The following RNF217 variants were observed in gnomAD, a reference collection of about 807,000 sequenced individuals.
RNF217 encodes the protein E3 ubiquitin-protein ligase RNF217.
RNF217 carries 31 observed loss-of-function variants against 57.8 expected under a neutral mutation model. The observed-to-expected ratio is 0.54, with a 90% confidence interval of 0.40 to 0.72. RNF217 has a LOEUF of 0.72. Ranked by LOEUF, RNF217 falls within the 30% of genes least tolerant of loss-of-function variation. The pLI is 0.00. For synonymous variants in RNF217, 313 were observed against 294.0 expected (o/e 1.06, Z -0.66); for missense variants, 696 against 708.3 (o/e 0.98, Z 0.20).
chr6:125,057,919 A>G lies in RNF217; in HGVS notation c.1117-23A>G, dbSNP rs767698785. 11 of 1,576,192 alleles carry G rather than the reference A, an allele frequency of 7.0e-6. No homozygotes were observed. The East Asian group carries it at 2.3e-4, about 32-fold the overall frequency. ...ACTTTCAGTATATCCACTAGTAATT[A>G]ATATGATTTTTTTCTTACACAGATC... is the stretch of plus-strand genomic sequence containing the variant. On this transcript the variant is annotated intron_variant, in intron 2 of 5. Transcript: ENST00000521654.
intron 1 of RNF217, among the ~76,000 whole-genome samples, chr6:125,033,337 C>T (rs1157346662): frequency 9.0e-6 from 1 of 111,016 alleles, no homozygotes. Context: ...AATGCTATCC[C>T]TCCCCCCTCC....
chr6:125,034,756 GA>G, intron 1 of RNF217, among the ~76,000 whole-genome samples: 1 of 152,182 alleles, frequency 6.6e-6, no homozygotes, highest in Middle Eastern at 3.4e-3. Flanking sequence ...GCTTGATGGG[GA>G]TGGCAACTGA....
chr6:125,078,959 A>T (rs1788473510), intron 4 of RNF217, among the ~76,000 whole-genome samples: 1 of 152,166 alleles, frequency 6.6e-6, no homozygotes, highest in Non-Finnish European at 1.5e-5. Flanking sequence ...CAGAGAGAAG[A>T]TGGAGTATAG....
chr6:124,978,344 G>A (rs954463298), intron 1 of RNF217, among the ~76,000 whole-genome samples: 6 of 151,864 alleles, frequency 4.0e-5, no homozygotes, highest in Non-Finnish European at 7.4e-5. Context: ...TTGTGCCCCA[G>A]ACCAGATCCT....
intron 1 of RNF217, among the ~76,000 whole-genome samples, chr6:125,015,719 A>T (rs1296433600): frequency 6.6e-6 from 1 of 152,064 alleles, no homozygotes; most frequent in Non-Finnish European, 1.5e-5. Flanking sequence ...ATAGTAATGT[A>T]AAAAGAGACA....
chr6:125,016,839 G>C (rs1785629049), intron 1 of RNF217, among the ~76,000 whole-genome samples: 1 of 152,086 alleles, frequency 6.6e-6, no homozygotes, highest in African/African-American at 2.4e-5. Flanking sequence ...ATAGATGATG[G>C]GTTGATGGGT....
chr6:125,055,828 C>T (rs2114578754), intron 2 of RNF217, among the ~76,000 whole-genome samples: 1 of 152,184 alleles, frequency 6.6e-6, no homozygotes, highest in East Asian at 1.9e-4. Flanking sequence ...CTTCATTGCT[C>T]AATGGCAAAT....
chr6:125,000,337 C>A (rs1234371571), intron 1 of RNF217, among the ~76,000 whole-genome samples: 1 of 151,922 alleles, frequency 6.6e-6, no homozygotes, highest in African/African-American at 2.4e-5. Context: ...GACTCTTTTA[C>A]TATAGTGATA....
At position 124,981,884 on chromosome 6, in the gene RNF217, C is replaced by T. The variant is rs191959791; in HGVS notation, c.882+18458C>T. Among the ~76,000 whole-genome samples, 578 of 151,402 alleles carry T rather than the reference C, an allele frequency of 3.8e-3. 6 individuals are homozygous for T. The highest frequency in any genetic ancestry group is 0.013 in the African/African-American group (545 of 41,288). On this transcript the variant is annotated intron_variant, in intron 1 of 5. Transcript: ENST00000521654. ...ATACAAAAAAAAAAAAAAATTTGGC[C>T]GGGCGTGGTTATGGGCACCTGTAGT...
chr6:125,054,033 C>T (rs767602407), intron 2 of RNF217, among the ~76,000 whole-genome samples: 6 of 152,032 alleles, frequency 3.9e-5, no homozygotes, highest in African/African-American at 7.2e-5. Flanking sequence ...TTAACTGATA[C>T]GTGATACCTA....
At chr6:125,069,498 T>C (rs1320560864) in intron 3 of RNF217, among the ~76,000 whole-genome samples, 1 of 152,222 alleles carries the variant, frequency 6.6e-6, no homozygotes, top group East Asian at 1.9e-4. Flanking sequence ...TTCTTCTTTA[T>C]GGCTCAGTAG....
intron 3 of RNF217, among the ~76,000 whole-genome samples, chr6:125,061,629 G>T (rs9491293): frequency 2.7e-5 from 4 of 145,582 alleles, no homozygotes; most frequent in Non-Finnish European, 4.6e-5. Context: ...GTAGGTTTTC[G>T]TTTTTTTTTA....
intron 1 of RNF217, among the ~76,000 whole-genome samples, chr6:124,980,866 G>A (rs1784138107): frequency 6.6e-6 from 1 of 152,088 alleles, no homozygotes; most frequent in Non-Finnish European, 1.5e-5. Flanking sequence ...TTCAGTGGGA[G>A]GTAGTAAAAT....
chr6:125,016,942 G>A (rs965320112), intron 1 of RNF217, among the ~76,000 whole-genome samples: 12 of 151,974 alleles, frequency 7.9e-5, no homozygotes, highest in African/African-American at 2.9e-4. Context: ...AGAAATAGTT[G>A]GAAATTAGAA....
At chr6:125,004,321 A>G (rs904162191) in intron 1 of RNF217, among the ~76,000 whole-genome samples, 1 of 152,282 alleles carries the variant, frequency 6.6e-6, no homozygotes, top group Admixed American at 6.5e-5. Flanking sequence ...ATCAGGTGCA[A>G]CTTTCTCTCT....
intron 1 of RNF217, among the ~76,000 whole-genome samples, chr6:125,003,996 A>C (rs1193543500): frequency 6.6e-6 from 1 of 152,154 alleles, no homozygotes; most frequent in African/African-American, 2.4e-5. Flanking sequence ...TGCTGCAAAA[A>C]TCTGCACCTA....
intron 3 of RNF217, among the ~76,000 whole-genome samples, chr6:125,061,889 A>C (rs1178844638): frequency 6.6e-6 from 1 of 151,996 alleles, no homozygotes; most frequent in East Asian, 1.9e-4. Flanking sequence ...TCTTTAATCC[A>C]ACCATAATTT....
chr6:124,986,180 T>G (rs945401432), intron 1 of RNF217, among the ~76,000 whole-genome samples: 1 of 152,228 alleles, frequency 6.6e-6, no homozygotes, highest in Non-Finnish European at 1.5e-5. Context: ...ATGCATTTGT[T>G]TTCTCTGCCA....
At chr6:124,993,863 T>C (rs1315429654) in intron 1 of RNF217, among the ~76,000 whole-genome samples, 1 of 152,162 alleles carries the variant, frequency 6.6e-6, no homozygotes, top group Non-Finnish European at 1.5e-5. Flanking sequence ...CTTCAGTGAA[T>C]TGCAGTGGCT....
Sources: allele counts gnomAD v4.1 joint callset (sites outside exome capture counted in the v4.1 genomes callset), GRCh38; gene constraint gnomAD v4.1.1; transcripts MANE v1.5; gene names NCBI Gene and HGNC (gene_info 2026-07-23, HGNC 2026-07-21).